PRKCE: variants seen among roughly 807,000 people sequenced by gnomAD.
PRKCE encodes the protein protein kinase C epsilon.
Under a neutral mutation model 85.4 loss-of-function variants are expected in PRKCE, and 16 were observed. The ratio of observed to expected loss-of-function variants is 0.19; its 90% CI spans 0.13 to 0.28. The LOEUF is 0.28. PRKCE is among the 10% of genes least tolerant of loss of function. The probability of loss-of-function intolerance (pLI) is 1.00; values close to 1 mark genes in which losing one functional copy is unlikely to be tolerated. For synonymous variants in PRKCE, 388 were observed against 371.5 expected, an observed-to-expected ratio of 1.04 and a Z score of -0.51; for missense variants, 573 against 975.2, an observed-to-expected ratio of 0.59 and a Z score of 5.49.
At chr2:46,095,752 C>T (rs1299112268) in intron 11 of PRKCE, among the ~76,000 whole-genome samples, 1 of 152,198 alleles carries the variant, frequency 6.6e-6, no homozygotes. Flanking sequence ...CTTACTCTCT[C>T]CATCTTTGTG....
At chr2:45,719,327 C>T (rs1444882413) in intron 1 of PRKCE, among the ~76,000 whole-genome samples, 2 of 152,250 alleles carry the variant, frequency 1.3e-5, no homozygotes, top group African/African-American at 4.8e-5. Flanking sequence ...ACTGATTCAG[C>T]ACTGGATTAA....
chr2:45,884,868 G>T (rs1448397574), intron 2 of PRKCE, among the ~76,000 whole-genome samples: 2 of 149,102 alleles, frequency 1.3e-5, no homozygotes, highest in Admixed American at 6.7e-5. Context: ...GTCTCCTTCT[G>T]GAAATTGTCT....
At chr2:45,701,919 G>A (rs923637427) in intron 1 of PRKCE, among the ~76,000 whole-genome samples, 1 of 152,120 alleles carries the variant, frequency 6.6e-6, no homozygotes, top group Admixed American at 6.5e-5. Flanking sequence ...TGGGCCAGGC[G>A]CGGTGGCTCA....
chr2:45,969,619 C>T (rs1204123631), intron 2 of PRKCE, among the ~76,000 whole-genome samples: 1 of 152,180 alleles, frequency 6.6e-6, no homozygotes, highest in African/African-American at 2.4e-5. Flanking sequence ...CTGCAGTTCC[C>T]TCACCTCCTG....
At chr2:45,971,394 TTC>T (rs1230418727) in intron 2 of PRKCE, among the ~76,000 whole-genome samples, 1 of 152,232 alleles carries the variant, frequency 6.6e-6, no homozygotes, top group Non-Finnish European at 1.5e-5. Flanking sequence ...CCATATTTTC[TTC>T]TTTTTTTCGT....
chr2:45,780,143 G>T (rs74673840), intron 1 of PRKCE, among the ~76,000 whole-genome samples: 54 of 152,284 alleles, frequency 3.5e-4, no homozygotes, highest in African/African-American at 1.3e-3. Context: ...TCATCAAATA[G>T]CTAATTAGTG....
chr2:45,787,017 T>C (rs1020226867), intron 1 of PRKCE, among the ~76,000 whole-genome samples: 2 of 152,246 alleles, frequency 1.3e-5, no homozygotes, highest in African/African-American at 4.8e-5. Context: ...CTGGATCCGA[T>C]GATCCTATGG....
chr2:45,656,703 A>G (rs777853557), intron 1 of PRKCE, among the ~76,000 whole-genome samples: 4 of 152,216 alleles, frequency 2.6e-5, no homozygotes, highest in Non-Finnish European at 4.4e-5. Flanking sequence ...AGAGCTTTTG[A>G]TGCTACAATT....
At chr2:46,085,656 T>G (rs1303104727) in intron 10 of PRKCE, among the ~76,000 whole-genome samples, 1 of 120,924 alleles carries the variant, frequency 8.3e-6, no homozygotes, top group African/African-American at 3.2e-5. Context: ...ACACTTATGA[T>G]TGTATTTAAG....
rs774629128 is a variant in PRKCE at position 46,151,176 on chromosome 2, G to A, written c.1867G>A (p.Asp623Asn). 8 of 1,599,344 alleles carry A rather than the reference G, an allele frequency of 5.0e-6. No individual in the cohort carries two copies. The highest frequency in any genetic ancestry group is 6.8e-6 in the Non-Finnish European group (8 of 1,179,920). Residue 623 changes from aspartate to asparagine, a missense_variant, in exon 13 of 15, where the codon GAC (aspartate) becomes AAC (asparagine). Coordinates refer to ENST00000306156, the MANE Select transcript of PRKCE (RefSeq NM_005400.3). ...DDLFESILHD[D>N]VLYPVWLSKE... is the part of the protein sequence containing the mutation. ...CCTATTTGAGTCCATCCTCCATGACGACGTGCTGTACCCAGTCTGGCTCAG... is the reference window on the plus strand; with the variant it reads ...CCTATTTGAGTCCATCCTCCATGACAACGTGCTGTACCCAGTCTGGCTCAG...
chr2:45,771,557 C>T (rs189320322), intron 1 of PRKCE, among the ~76,000 whole-genome samples: 93 of 152,334 alleles, frequency 6.1e-4, no homozygotes, highest in African/African-American at 2.2e-3. Context: ...CAGGATTTTC[C>T]TCCCTCTGAG....
intron 2 of PRKCE, among the ~76,000 whole-genome samples, chr2:45,911,434 A>C (rs6711467): frequency 9.9e-5 from 15 of 152,238 alleles, no homozygotes; most frequent in Admixed American, 9.2e-4. Context: ...TGAGGGTCCA[A>C]AAATCCCAGA....
chr2:45,728,546 G>A (rs1470638676), intron 1 of PRKCE, among the ~76,000 whole-genome samples: 1 of 152,116 alleles, frequency 6.6e-6, no homozygotes, highest in Non-Finnish European at 1.5e-5. Flanking sequence ...TTATATTACA[G>A]TTGTAATGCC....
chr2:45,715,898 C>A (rs997055464), intron 1 of PRKCE, among the ~76,000 whole-genome samples: 3 of 152,260 alleles, frequency 2.0e-5, no homozygotes, highest in South Asian at 2.1e-4. Context: ...TTTCTGCACT[C>A]CCCCCATGAT....
At chr2:45,820,278 G>A (rs1260887687) in intron 1 of PRKCE, among the ~76,000 whole-genome samples, 2 of 152,144 alleles carry the variant, frequency 1.3e-5, no homozygotes, top group East Asian at 3.8e-4. Flanking sequence ...AAACATGTGG[G>A]GAGAGGGTAA....
chr2:45,800,046 T>G (rs1375281091), intron 1 of PRKCE, among the ~76,000 whole-genome samples: 1 of 152,178 alleles, frequency 6.6e-6, no homozygotes, highest in Non-Finnish European at 1.5e-5. Context: ...TCCAGGCTGG[T>G]CAAGTGGGGA....
chr2:45,857,804 A>G (rs1692798597), intron 2 of PRKCE, among the ~76,000 whole-genome samples: 1 of 152,100 alleles, frequency 6.6e-6, no homozygotes, highest in East Asian at 1.9e-4. Context: ...CGGGGCAGGG[A>G]CTGTGTTTAT....
chr2:45,714,195 T>C (rs909055145), intron 1 of PRKCE, among the ~76,000 whole-genome samples: 56 of 152,138 alleles, frequency 3.7e-4, no homozygotes, highest in African/African-American at 1.3e-3. Context: ...TAGAGTCGGA[T>C]GGAGGAGGGG....
In PRKCE at chr2:46,010,271, T is replaced by G. The variant is rs552165399; in HGVS notation, c.1264-73T>G. 59 of 1,415,312 alleles carry G rather than the reference T, an allele frequency of 4.2e-5. No individual in the cohort carries two copies. The South Asian group carries it at 8.4e-4, about 20-fold the overall frequency. 87.7% of individuals were successfully genotyped at this position (1,415,312 alleles called of 1,614,324 possible). ...AAAACAGAATTCGTTTTTGAAGTAT[T>G]TGGTATTAGCTTACACTTCTTCTTT... On this transcript the variant is annotated intron_variant, in intron 9 of 14. Transcript: ENST00000306156.
Sources: gnomAD v4.1 joint callset for allele counts (sites outside exome capture counted in the v4.1 genomes callset) on GRCh38, gnomAD v4.1.1 for gene constraint, MANE v1.5 for transcripts, NCBI Gene and HGNC (gene_info 2026-07-23, HGNC 2026-07-21) for gene names.